The following RBSN variants were observed in gnomAD, a reference collection of about 807,000 sequenced individuals.
RBSN encodes the protein rabenosyn, RAB effector.
In RBSN, 34 loss-of-function variants were observed where a neutral mutation model predicts 60.5. That is an observed-to-expected ratio of 0.56 (90% CI 0.43 to 0.75). The LOEUF is 0.75. Among genes scored for constraint, RBSN ranks in the 30% least tolerant of loss-of-function variants. RBSN has a pLI of 0.00. For missense variants in RBSN, 845 were observed against 986.8 expected (o/e 0.86, Z 1.92); for synonymous variants, 322 against 366.9 (o/e 0.88, Z 1.40).
chr3:15,073,829 G>T lies in RBSN; in HGVS notation c.2308C>A (p.Arg770=). Reference sequence around the variant, plus strand: ...TTGGCCAGGGTGTGCTTCAGCTCCCGCAGATTCTCTGTCAGCACCTCTACC... The same window carrying T: ...TTGGCCAGGGTGTGCTTCAGCTCCCTCAGATTCTCTGTCAGCACCTCTACC... The part of the protein sequence containing the change: ...DEVEVLTENL[R]ELKHTLAKQK... The change falls in exon 14 of 14, where the codon CGG becomes AGG. Residue 770 remains arginine, a synonymous_variant. Coordinates refer to ENST00000253699, the MANE Select transcript of RBSN (RefSeq NM_022340.4). 6.2e-7 allele frequency: 1 copy of T among 1,612,932 alleles called. No individual in the cohort carries two copies.
chr3:15,090,142 C>A (rs561520929), intron 5 of RBSN, among the ~76,000 whole-genome samples: 1 of 152,230 alleles, frequency 6.6e-6, no homozygotes, highest in Middle Eastern at 3.4e-3. Flanking sequence ...CACTGTTTGT[C>A]CCTGGGCAGG....
At chr3:15,089,479 A>AAAAAAAAAAAAAAAAAAAAAC (rs2043447184) in intron 5 of RBSN, among the ~76,000 whole-genome samples, 4 of 104,034 alleles carry the variant, frequency 3.8e-5, no homozygotes, top group East Asian at 2.5e-4. Context: ...AAAAAAAAAC[A>AAAAAAAAAAAAAAAAAAAAAC]AAAAAAAAAA....
At chr3:15,080,691 C>T in intron 10 of RBSN, 41 bp downstream of exon 10, 2 of 1,581,446 alleles carry the variant, frequency 1.3e-6, no homozygotes, top group Non-Finnish European at 1.7e-6. Flanking sequence ...TGCCAGAAAA[C>T]AGTCACCACT....
chr3:15,075,891 G>A (rs1055727167), intron 12 of RBSN, among the ~76,000 whole-genome samples, 181 bp from the exon 13 acceptor site: 1 of 152,044 alleles, frequency 6.6e-6, no homozygotes, highest in African/African-American at 2.4e-5. Context: ...AAATGGGCCT[G>A]CATTTTCCTT....
intron 8 of RBSN, among the ~76,000 whole-genome samples, chr3:15,083,225 T>G (rs974262325): frequency 6.6e-6 from 1 of 152,100 alleles, no homozygotes; most frequent in Non-Finnish European, 1.5e-5. Context: ...GTGAATAGTG[T>G]CCCAAAAAGG....
At chr3:15,079,737 TAG>T (rs1378106101) in intron 10 of RBSN, among the ~76,000 whole-genome samples, 1 of 152,140 alleles carries the variant, frequency 6.6e-6, no homozygotes, top group Non-Finnish European at 1.5e-5. Context: ...GACAAATCCA[TAG>T]AGACAGGAAA....
rs1171720273 is a variant in RBSN, at chr3:15,085,113, T to A, written c.391-68A>T. ...TGTATACATGCTCCACACTTTCCAA[T>A]ACATCAAGTGGGAAATTAGCACATT... On this transcript the variant is annotated intron_variant, in intron 6 of 13. Coordinates refer to ENST00000253699, the MANE Select transcript of RBSN (RefSeq NM_022340.4). 5.8e-6 allele frequency: 9 copies of A among 1,560,726 alleles called. No homozygotes were observed. The African/African-American group carries it at 1.2e-4, about 21-fold the overall frequency.
chr3:15,090,330 T>TA, intron 5 of RBSN, 69 bp downstream of exon 5: 3 of 1,569,248 alleles, frequency 1.9e-6, no homozygotes, highest in Non-Finnish European at 2.6e-6. Flanking sequence ...AGCCAACTCT[T>TA]AAAACTTTAC....
intron 4 of RBSN, among the ~76,000 whole-genome samples, chr3:15,093,877 A>AT (rs2043581210): frequency 6.6e-6 from 1 of 151,292 alleles, no homozygotes; most frequent in South Asian, 2.1e-4. Context: ...AATTAAAAAA[A>AT]ATTTTTTTTT....
chr3:15,091,192 C>A (rs1196669455), intron 4 of RBSN: 2 of 279,824 alleles, frequency 7.1e-6, no homozygotes, highest in East Asian at 5.0e-4. Flanking sequence ...CCTGGACAAC[C>A]AGAATGAGAC....
chr3:15,073,868 C>T lies in RBSN; in HGVS notation c.2269G>A (p.Gly757Ser), dbSNP rs139267270. Reference sequence around the variant, plus strand: ...AGCACCTCTACCTCATCCAGGCGGCCGCACTGCTTGGCATCAAAGATGTAT... The same window carrying T: ...AGCACCTCTACCTCATCCAGGCGGCTGCACTGCTTGGCATCAAAGATGTAT... ...KAYIFDAKQC[G>S]RLDEVEVLTE... is the part of the protein sequence containing the mutation. The change falls in exon 14 of 14, where the codon GGC becomes AGC. Residue 757 changes from glycine to serine, a missense_variant. Transcript: ENST00000253699. 1.2e-5 allele frequency: 20 copies of T among 1,613,994 alleles called. No individual in the cohort carries two copies. Among genetic ancestry groups the T allele is most frequent in the South Asian group, 1.1e-4 (10 of 91,064 alleles).
intron 4 of RBSN, 137 bp downstream of exon 4, chr3:15,095,836 G>T: frequency 8.9e-7 from 1 of 1,126,544 alleles, no homozygotes; most frequent in Non-Finnish European, 1.3e-6. Flanking sequence ...AAAACGCCTG[G>T]CACATGACAA....
intron 5 of RBSN, 184 bp from the exon 6 acceptor site, chr3:15,086,145 C>G: frequency 1.9e-6 from 1 of 540,222 alleles, no homozygotes; most frequent in South Asian, 2.4e-5. Flanking sequence ...CGCCTATAAT[C>G]CCAGCTCCTT....
intron 2 of RBSN, among the ~76,000 whole-genome samples, chr3:15,097,325 G>C (rs1437306865): frequency 2.6e-5 from 4 of 152,060 alleles, no homozygotes; most frequent in African/African-American, 9.7e-5. Context: ...GACCAGCCTG[G>C]CCAATATGGT....
chr3:15,095,842 G>T, intron 4 of RBSN, 131 bp downstream of exon 4: 1 of 1,213,500 alleles, frequency 8.2e-7, no homozygotes, highest in Non-Finnish European at 1.2e-6. Context: ...CCTGGCACAT[G>T]ACAAACACTA....
Position 15,096,251 on chromosome 3 carries a change from G to T in RBSN, c.-131C>A. The T allele has an allele frequency of 1.0e-6, 1 of 999,240 alleles. No homozygotes were observed. The highest frequency in any genetic ancestry group is 1.4e-6 in the Non-Finnish European group (1 of 734,040). 61.9% of individuals were successfully genotyped at this position (999,240 alleles called of 1,614,324 possible). A position where few individuals can be genotyped will look rare whatever the true frequency, so the allele number is the denominator to read the frequency against. On this transcript the variant is annotated 5_prime_UTR_variant, in exon 4 of 14. Coordinates refer to ENST00000253699, the MANE Select transcript of RBSN (RefSeq NM_022340.4). ...CAGATGGTGAGGAAGTGGCTTCATGGCCCTGGATGAGGTTTCCTCTCTGGA... is the reference window on the plus strand; with the variant it reads ...CAGATGGTGAGGAAGTGGCTTCATGTCCCTGGATGAGGTTTCCTCTCTGGA...
intron 4 of RBSN, among the ~76,000 whole-genome samples, chr3:15,095,197 A>T (rs1450721419): frequency 6.7e-6 from 1 of 150,142 alleles, no homozygotes. Context: ...TTTTTTTTTA[A>T]TTTTTTTTGT....
At chr3:15,075,324 G>A (rs913246174) in intron 13 of RBSN, 25 of 633,562 alleles carry the variant, frequency 3.9e-5, no homozygotes, top group Middle Eastern at 2.5e-4. Flanking sequence ...TAATGTCTTG[G>A]TCCTCTGCAA....
rs1156288566 is a variant in RBSN, at chr3:15,073,907, C to T, written c.2230G>A (p.Asp744Asn). Residue 744 changes from aspartate (D) to asparagine (N), a missense_variant, in exon 14 of 14, where the codon GAT becomes AAT. Physicochemically the swap from Asp to Asn is conservative, Grantham distance 23 (BLOSUM62 1). Coordinates refer to ENST00000253699, the MANE Select transcript of RBSN (RefSeq NM_022340.4). ...IEEELLLQQI[D>N]NIKAYIFDAK... ...TCAAAGATGTATGCCTTGATGTTAT[C>T]GATCTGCTGCAGGAGGAGCTCTTCC... 6.8e-6 allele frequency: 11 copies of T among 1,613,984 alleles called. No individual in the cohort carries two copies. The highest frequency in any genetic ancestry group is 6.7e-5 in the East Asian group (3 of 44,892).
Sources: gnomAD v4.1 joint callset for allele counts (sites outside exome capture counted in the v4.1 genomes callset) on GRCh38, gnomAD v4.1.1 for gene constraint, MANE v1.5 for transcripts, NCBI Gene and HGNC (gene_info 2026-07-23, HGNC 2026-07-21) for gene names.